ROS1: variants seen among roughly 807,000 people sequenced by gnomAD.
ROS1 encodes proto-oncogene tyrosine-protein kinase ROS.
Under a neutral mutation model 273.5 loss-of-function variants are expected in ROS1, and 263 were observed. The observed-to-expected ratio is 0.96, with a 90% CI of 0.87 to 1.06. ROS1 has a LOEUF of 1.06. Ranked by LOEUF, ROS1 falls within the 50% of genes least tolerant of loss-of-function variation. The pLI is 0.00. For missense variants in ROS1, 2,833 were observed against 2,751.1 expected, an observed-to-expected ratio of 1.03 and a Z score of -0.67; for synonymous variants, 1,008 against 954.1, an observed-to-expected ratio of 1.06 and a Z score of -1.04.
In ROS1 at chr6:117,398,154, AT is replaced by A; in HGVS notation, c.605-1039del. 2.0e-5 allele frequency among the ~76,000 whole-genome samples: 3 copies of A among 152,302 alleles called. 1 individual carries two copies. The highest frequency in any genetic ancestry group is 2.0e-4 in the Admixed American group (3 of 15,304). Reference sequence around the variant, plus strand: ...ATTTCTCCCACTGAATTATAATATAATTAGAATGTCAAAATTTTAAGTCATT... The same window carrying A: ...ATTTCTCCCACTGAATTATAATATAATAGAATGTCAAAATTTTAAGTCATT... On this transcript the variant is annotated intron_variant, in intron 7 of 43. Coordinates refer to ENST00000368507, the MANE Select transcript of ROS1 (RefSeq NM_001378902.1).
intron 36 of ROS1, among the ~76,000 whole-genome samples, chr6:117,320,318 G>A (rs1348667869): frequency 2.0e-5 from 3 of 152,066 alleles, no homozygotes; most frequent in African/African-American, 7.2e-5. Context: ...ATTGTAGCTT[G>A]TTGAGTCAAA....
intron 1 of ROS1, among the ~76,000 whole-genome samples, chr6:117,421,421 C>G (rs527640134): frequency 3.4e-4 from 51 of 152,042 alleles, no homozygotes; most frequent in African/African-American, 1.1e-3. Flanking sequence ...CTTCCCTCCC[C>G]CTTCTGAGTC....
intron 43 of ROS1, among the ~76,000 whole-genome samples, chr6:117,300,212 A>G (rs1055067823): frequency 1.3e-5 from 2 of 148,958 alleles, no homozygotes; most frequent in Non-Finnish European, 3.0e-5. Context: ...CGGCCTCCCA[A>G]ACTGCTGGGA....
At chr6:117,355,038 C>T (rs1779191483) in intron 26 of ROS1, among the ~76,000 whole-genome samples, 1 of 152,122 alleles carries the variant, frequency 6.6e-6, no homozygotes, top group South Asian at 2.1e-4. Flanking sequence ...TTAAATCAGA[C>T]CAATGTCCAT....
At chr6:117,338,615 T>C (rs1179996978) in intron 31 of ROS1, among the ~76,000 whole-genome samples, 1 of 152,000 alleles carries the variant, frequency 6.6e-6, no homozygotes, top group Non-Finnish European at 1.5e-5. Context: ...TAGTGAATAG[T>C]CTAGGTAACC....
At chr6:117,417,384 A>G (rs896740343) in intron 2 of ROS1, among the ~76,000 whole-genome samples, 2 of 152,144 alleles carry the variant, frequency 1.3e-5, no homozygotes, top group Non-Finnish European at 2.9e-5. Context: ...TTATCTGGTC[A>G]TTAACTAAAA....
Position 117,383,319 on chromosome 6 carries a change from T to C in ROS1, c.2479A>G (p.Lys827Glu), listed in dbSNP as rs1374573342. The C allele has an allele frequency of 6.2e-7, 1 of 1,611,348 alleles. No individual in the cohort carries two copies. The highest frequency in any genetic ancestry group is 8.5e-7 in the Non-Finnish European group (1 of 1,177,806). ...LQTQPWFSGK[K>E]VIALTLDLSD... Reference sequence around the variant, plus strand: ...GATCAGATCTTTTAATTTGTCACCTTTTTCCCAGAAAACCAAGGCTGTGTC... The same window carrying C: ...GATCAGATCTTTTAATTTGTCACCTCTTTCCCAGAAAACCAAGGCTGTGTC... Residue 827 changes from lysine to glutamate, a missense_variant and splice_region_variant, in exon 17 of 44, where the codon AAG becomes GAG. Coordinates refer to ENST00000368507, the MANE Select transcript of ROS1 (RefSeq NM_001378902.1).
chr6:117,360,457 A>G, intron 22 of ROS1, 52 bp from the exon 23 acceptor site: 1 of 1,258,370 alleles, frequency 7.9e-7, no homozygotes, highest in East Asian at 2.3e-5. Flanking sequence ...CGTGGCAACA[A>G]TTAAGTTCTG....
chr6:117,309,720 A>G (rs1340682445), intron 41 of ROS1, among the ~76,000 whole-genome samples: 2 of 152,146 alleles, frequency 1.3e-5, no homozygotes, highest in South Asian at 2.1e-4. Context: ...TTTAAAGTTT[A>G]CTGATAAATT....
chr6:117,393,145 G>C (rs1762336749), intron 12 of ROS1, 79 bp downstream of exon 12: 1 of 876,736 alleles, frequency 1.1e-6, no homozygotes, highest in Non-Finnish European at 1.9e-6. Flanking sequence ...GTACTACAAT[G>C]TTTCATTAGC....
intron 16 of ROS1, 86 bp downstream of exon 16, chr6:117,385,597 T>TAA (rs60804513): frequency 1.0e-4 from 95 of 954,634 alleles, no homozygotes; most frequent in African/African-American, 1.9e-4. Context: ...CACAGGTATT[T>TAA]AAAAAAAAAA....
chr6:117,407,274 G>C (rs551229069), intron 5 of ROS1, among the ~76,000 whole-genome samples: 1 of 152,256 alleles, frequency 6.6e-6, no homozygotes, highest in Admixed American at 6.5e-5. Context: ...TAAGGGAACT[G>C]TCTACAGCTC....
chr6:117,312,286 T>C (rs1775603286), intron 39 of ROS1, among the ~76,000 whole-genome samples: 1 of 152,062 alleles, frequency 6.6e-6, no homozygotes, highest in African/African-American at 2.4e-5. Flanking sequence ...AGTCCCTCAA[T>C]TCCTTAAAAA....
chr6:117,347,092 T>C (rs1271942071), intron 27 of ROS1, among the ~76,000 whole-genome samples: 1 of 152,184 alleles, frequency 6.6e-6, no homozygotes, highest in African/African-American at 2.4e-5. Flanking sequence ...TTTGTTAATA[T>C]CTACAAAATA....
chr6:117,372,790 A>C (rs1312738553), intron 18 of ROS1, among the ~76,000 whole-genome samples: 2 of 152,218 alleles, frequency 1.3e-5, no homozygotes, highest in South Asian at 4.1e-4. Context: ...AGCAGCAGCC[A>C]CACTTATCAC....
intron 12 of ROS1, among the ~76,000 whole-genome samples, chr6:117,392,966 G>A (rs765091982): frequency 6.6e-6 from 1 of 152,178 alleles, no homozygotes; most frequent in Non-Finnish European, 1.5e-5. Context: ...TCCCAGACAG[G>A]AGGTCTTTCC....
At position 117,362,858 on chromosome 6, in the gene ROS1, T is replaced by A; in HGVS notation, c.3111A>T (p.Ser1037=). 1 of 1,609,508 alleles carries A rather than the reference T, an allele frequency of 6.2e-7. No homozygotes were observed. Among genetic ancestry groups the A allele is most frequent in the Non-Finnish European group, 8.5e-7 (1 of 1,177,920 alleles). Residue 1037 remains serine (S), a synonymous_variant, in exon 22 of 44, where the codon TCA becomes TCT. Transcript: ENST00000368507. Reference sequence around the variant, plus strand: ...TAAATATTCTGGGGTTCTCTGGTGCTGATGGAACTGAAAAGTAGAGGCACA... The same window carrying A: ...TAAATATTCTGGGGTTCTCTGGTGCAGATGGAACTGAAAAGTAGAGGCACA... The part of the protein sequence containing the change: ...LSLRAPETVP[S]APENPRIFIL...
rs755144614 is a variant in ROS1, at chr6:117,366,205, G to A, written c.2668C>T (p.Leu890=). The change falls in exon 19 of 44, where the codon CTG becomes TTG. Residue 890 remains leucine, a synonymous_variant. Coordinates refer to ENST00000368507, the MANE Select transcript of ROS1 (RefSeq NM_001378902.1). The stretch of plus-strand genomic sequence containing the variant: ...ATCCTAAAGCCATTGATCCAGAACA[G>A]CCGACCACTATAGTACATCAGTGCA... ...QNALMYYSGR[L]FWINGFRIIT... 1 of 1,614,076 alleles carries A rather than the reference G, an allele frequency of 6.2e-7. No homozygotes were observed. The highest frequency in any genetic ancestry group is 2.2e-5 in the East Asian group (1 of 44,870).
intron 38 of ROS1, 58 bp from the exon 39 acceptor site, chr6:117,317,330 G>A (rs540058546): frequency 6.4e-7 from 1 of 1,553,060 alleles, no homozygotes; most frequent in African/African-American, 1.4e-5. Context: ...TCCTAGCCGA[G>A]GGTCTTTATG....
Sources: allele counts gnomAD v4.1 joint callset (sites outside exome capture counted in the v4.1 genomes callset), GRCh38; gene constraint gnomAD v4.1.1; transcripts MANE v1.5; gene names NCBI Gene and HGNC (gene_info 2026-07-23, HGNC 2026-07-21).